Variants in RPS6KA2 observed in about 807,000 individuals in gnomAD.
RPS6KA2 encodes the protein ribosomal protein S6 kinase A2.
A neutral mutation model predicts 91.8 loss-of-function variants in RPS6KA2; 42 were observed. The observed-to-expected ratio is 0.46, with a 90% CI of 0.36 to 0.59. The LOEUF is 0.59. Among genes scored for constraint, RPS6KA2 ranks in the 20% least tolerant of loss-of-function variants. The pLI is 0.00. For missense variants in RPS6KA2, 798 were observed against 978.5 expected, an observed-to-expected ratio of 0.82 and a Z score of 2.46; for synonymous variants, 414 against 393.6, an observed-to-expected ratio of 1.05 and a Z score of -0.61.
intron 2 of RPS6KA2, among the ~76,000 whole-genome samples, chr6:166,633,475 C>G (rs549031343): frequency 6.6e-6 from 1 of 152,196 alleles, no homozygotes; most frequent in African/African-American, 2.4e-5. Context: ...GCAGCCAAAC[C>G]GCTTTGAGGC....
intron 2 of RPS6KA2, among the ~76,000 whole-genome samples, chr6:166,691,428 C>T (rs976223632): frequency 6.6e-6 from 1 of 152,282 alleles, no homozygotes; most frequent in African/African-American, 2.4e-5. Flanking sequence ...GTGTCACTCC[C>T]TGCCCCAGGC....
intron 2 of RPS6KA2, among the ~76,000 whole-genome samples, chr6:166,776,376 C>T (rs990803206): frequency 2.6e-5 from 4 of 152,162 alleles, no homozygotes; most frequent in African/African-American, 2.4e-5. Context: ...GGGCATTTTC[C>T]GTTTCTGTAA....
chr6:166,581,187 G>C (rs1784997458), intron 1 of RPS6KA2, among the ~76,000 whole-genome samples: 1 of 152,032 alleles, frequency 6.6e-6, no homozygotes, highest in African/African-American at 2.4e-5. Context: ...CACTGTGTCT[G>C]GCCAGGGCTG....
intron 2 of RPS6KA2, among the ~76,000 whole-genome samples, chr6:166,842,191 A>G (rs936236748): frequency 2.6e-5 from 4 of 152,224 alleles, no homozygotes; most frequent in African/African-American, 7.2e-5. Context: ...CAAGCACAGT[A>G]TCTGCTAGGG....
At chr6:166,472,161 G>T (rs889159154) in intron 10 of RPS6KA2, among the ~76,000 whole-genome samples, 1 of 152,208 alleles carries the variant, frequency 6.6e-6, no homozygotes, top group African/African-American at 2.4e-5. Context: ...CATGGCCAGA[G>T]GCACTCTCAA....
chr6:166,701,885 A>G, intron 2 of RPS6KA2: 1 of 1,043,258 alleles, frequency 9.6e-7, no homozygotes, highest in Non-Finnish European at 1.5e-6. Flanking sequence ...CAGTTCCTGC[A>G]ATGGAGATAT....
chr6:166,797,154 C>T (rs543836543), intron 2 of RPS6KA2, among the ~76,000 whole-genome samples: 1 of 152,322 alleles, frequency 6.6e-6, no homozygotes, highest in East Asian at 1.9e-4. Context: ...GGCTCTGCTG[C>T]CGCATCTCTG....
intron 1 of RPS6KA2, among the ~76,000 whole-genome samples, chr6:166,596,872 C>A (rs1785551119): frequency 6.6e-6 from 1 of 152,144 alleles, no homozygotes; most frequent in African/African-American, 2.4e-5. Flanking sequence ...CCACTGAAAT[C>A]TTTACTGTGG....
At chr6:166,779,986 G>T (rs1053462189) in intron 2 of RPS6KA2, among the ~76,000 whole-genome samples, 99 of 152,168 alleles carry the variant, frequency 6.5e-4, no homozygotes, top group African/African-American at 2.3e-3. Flanking sequence ...TTTAAAAAGT[G>T]CCAAGATGAC....
chr6:166,588,882 C>G (rs191257625), intron 1 of RPS6KA2, among the ~76,000 whole-genome samples: 1 of 152,140 alleles, frequency 6.6e-6, no homozygotes, highest in Non-Finnish European at 1.5e-5. Context: ...TGGCCAGGTG[C>G]GACTACCTGT....
intron 2 of RPS6KA2, among the ~76,000 whole-genome samples, chr6:166,652,090 G>GT (rs1787871383): frequency 6.6e-6 from 1 of 152,352 alleles, no homozygotes; most frequent in African/African-American, 2.4e-5. Context: ...TGAGAATACT[G>GT]TTTTTTGAAC....
intron 2 of RPS6KA2, among the ~76,000 whole-genome samples, chr6:166,746,445 C>A (rs1791016016): frequency 6.6e-6 from 1 of 152,206 alleles, no homozygotes; most frequent in South Asian, 2.1e-4. Flanking sequence ...CAGGCAATAC[C>A]ACATTTCACC....
At chr6:166,740,867 A>G (rs1229455402) in intron 2 of RPS6KA2, among the ~76,000 whole-genome samples, 1 of 152,294 alleles carries the variant, frequency 6.6e-6, no homozygotes, top group Non-Finnish European at 1.5e-5. Flanking sequence ...TATTCCATGC[A>G]TTGCGTGGGC....
chr6:166,732,019 T>C lies in RPS6KA2; in HGVS notation c.123+126181A>G, dbSNP rs1253174252. ...ATGGAAAGGCCTCATAGAAATTTTT[T>C]ATTAGTGGTGGCTACTGAGGAGACG... On this transcript the variant is annotated intron_variant, in intron 2 of 21. Transcript: ENST00000503859. This position sits in a 1 kb window ranked among gnomAD's most constrained non-coding sequence, Gnocchi z 4.0. 5.3e-5 allele frequency among the ~76,000 whole-genome samples: 8 copies of C among 152,220 alleles called. No individual in the cohort carries two copies. The highest frequency in any genetic ancestry group is 1.5e-5 in the Non-Finnish European group (1 of 68,034).
chr6:166,742,164 C>T (rs1671399277), intron 2 of RPS6KA2, among the ~76,000 whole-genome samples: 1 of 152,044 alleles, frequency 6.6e-6, no homozygotes, highest in Admixed American at 6.6e-5. Flanking sequence ...AAAAGACAGG[C>T]CAACAGCCCT....
rs1471483414 is a variant in RPS6KA2 at position 166,495,292 on chromosome 6, G to C, written c.747+3216C>G. On this transcript the variant is annotated intron_variant, in intron 8 of 20. Transcript: ENST00000265678. This position sits in a 1 kb window ranked among gnomAD's most constrained non-coding sequence, Gnocchi z 4.4. Reference sequence around the variant, plus strand: ...CCACGGCAACAGCCAGCCCTGCCTCGGGCTCGAGAGTGACACAGCAGTTCT... The same window carrying C: ...CCACGGCAACAGCCAGCCCTGCCTCCGGCTCGAGAGTGACACAGCAGTTCT... Among the ~76,000 whole-genome samples, 1 of 151,974 alleles carries C rather than the reference G, an allele frequency of 6.6e-6. No individual in the cohort carries two copies. The highest frequency in any genetic ancestry group is 6.5e-5 in the Admixed American group (1 of 15,274).
chr6:166,609,357 T>C (rs1178251744), intron 1 of RPS6KA2, among the ~76,000 whole-genome samples: 1 of 152,128 alleles, frequency 6.6e-6, no homozygotes, highest in Non-Finnish European at 1.5e-5. Context: ...GAAAGATCTG[T>C]TGGGCTGTCT....
chr6:166,570,571 C>G (rs1784658449), intron 1 of RPS6KA2, among the ~76,000 whole-genome samples: 1 of 152,160 alleles, frequency 6.6e-6, no homozygotes, highest in African/African-American at 2.4e-5. Context: ...ACAAATATAG[C>G]TCTAAGGCAG....
rs148782991 is a variant in RPS6KA2 at position 166,490,946 on chromosome 6, G to A, written c.748-205C>T. Among the ~76,000 whole-genome samples the A allele has an allele frequency of 6.1e-4, 93 of 152,326 alleles. No homozygotes were observed. The highest frequency in any genetic ancestry group is 7.6e-4 in the Non-Finnish European group (52 of 68,044). On this transcript the variant is annotated intron_variant, in intron 8 of 20. Coordinates refer to ENST00000265678, the MANE Select transcript of RPS6KA2 (RefSeq NM_021135.6). This position sits in a 1 kb window ranked among gnomAD's most constrained non-coding sequence, Gnocchi z 4.2. ...GAGCTTGCCATTTGGTGGGTGAGAC[G>A]GGTAAATGACAGATGTGGTAGATAA...
Sources: allele counts gnomAD v4.1 joint callset (sites outside exome capture counted in the v4.1 genomes callset), GRCh38; gene constraint gnomAD v4.1.1; non-coding constraint Gnocchi (gnomAD v3.1); transcripts MANE v1.5; gene names NCBI Gene and HGNC (gene_info 2026-07-23, HGNC 2026-07-21).